Variants in IFT20 observed in about 807,000 individuals in gnomAD.
The protein encoded by IFT20 is intraflagellar transport protein 20 homolog.
Under a neutral mutation model 16.9 loss-of-function variants are expected in IFT20, and 4 were observed. That is an observed-to-expected ratio of 0.24 (90% CI 0.12 to 0.54). The LOEUF (loss-of-function observed/expected upper bound fraction) is 0.54, where lower values mean the gene tolerates loss of function less well. Among genes scored for constraint, IFT20 ranks in the 20% least tolerant of loss-of-function variants. IFT20 has a pLI of 0.95. For missense variants in IFT20, 154 were observed against 149.7 expected, an observed-to-expected ratio of 1.03 and a Z score of -0.15; for synonymous variants, 48 against 49.9, an observed-to-expected ratio of 0.96 and a Z score of 0.16.
At chr17:28,329,593 T>C (rs1160354419) in intron 3 of IFT20, 1 of 249,216 alleles carries the variant, frequency 4.0e-6, no homozygotes, top group Admixed American at 5.3e-5. Context: ...TCTTCATTTA[T>C]AAAATGAGGA....
intron 2 of IFT20, 58 bp from the exon 3 acceptor site, chr17:28,330,586 T>C (rs1906709859): frequency 1.7e-6 from 2 of 1,175,460 alleles, no homozygotes; most frequent in Non-Finnish European, 2.5e-6. Flanking sequence ...TCCCCTTCGG[T>C]AGAGTGCTAA....
chr17:28,331,892 C>A lies in IFT20; in HGVS notation c.94G>T (p.Glu32Ter). The A allele has an allele frequency of 6.2e-7, 1 of 1,614,172 alleles. No homozygotes were observed. The highest frequency in any genetic ancestry group is 8.5e-7 in the Non-Finnish European group (1 of 1,180,004). ...LDPEVTQQTIELKEECKDFVD... is the reference protein window; with the variant it reads ...LDPEVTQQTI ...AAGTCTTTGCACTCTTCCTTCAGCTCTATGGTCTGCTGGGTAACCTCTGGG... is the reference window on the plus strand; with the variant it reads ...AAGTCTTTGCACTCTTCCTTCAGCTATATGGTCTGCTGGGTAACCTCTGGG... The change falls in exon 2 of 5, where the codon GAG (glutamate) becomes TAG (stop). Residue 32 changes from glutamate to a stop codon, truncating the protein, a stop_gained. Transcript: ENST00000395418. LOFTEE classifies it high-confidence loss of function.
chr17:28,331,773 C>T lies in IFT20; in HGVS notation c.127+86G>A. ...TTCAACCTCCAGGGAGCCAGCAGCTCCACTGTGGCAGGGCCAAGATGAGCC... is the reference window on the plus strand; with the variant it reads ...TTCAACCTCCAGGGAGCCAGCAGCTTCACTGTGGCAGGGCCAAGATGAGCC... On this transcript the variant is annotated intron_variant, in intron 2 of 4. Transcript: ENST00000395418. The T allele has an allele frequency of 2.6e-6, 4 of 1,555,976 alleles. No individual in the cohort carries two copies. In the Admixed American group the frequency reaches 6.8e-5, roughly 26 times the overall value.
At chr17:28,334,208 A>G (rs1288598867) in intron 1 of IFT20, among the ~76,000 whole-genome samples, 1 of 152,244 alleles carries the variant, frequency 6.6e-6, no homozygotes, top group African/African-American at 2.4e-5. Context: ...CTGCAGGAGG[A>G]CACAGTTCAT....
chr17:28,329,552 T>A (rs1209009314), intron 3 of IFT20: 2 of 377,594 alleles, frequency 5.3e-6, no homozygotes, highest in African/African-American at 4.2e-5. Context: ...GCCTTGTGCC[T>A]TTCACCAATC....
At position 28,328,569 on chromosome 17, in the gene IFT20, C is replaced by CTT. The variant is rs1906483345; in HGVS notation, c.*82_*83insAA. On this transcript the variant is annotated 3_prime_UTR_variant, in exon 5 of 5. Coordinates refer to ENST00000395418, the MANE Select transcript of IFT20 (RefSeq NM_001267776.2). Reference sequence around the variant, plus strand: ...TTGTGACATAGGTCATTGGTCAAGCCGCTGGAATGCTACAGAGGTTTTTTT... The same window carrying CTT: ...TTGTGACATAGGTCATTGGTCAAGCCTTGCTGGAATGCTACAGAGGTTTTTTT... 4 of 833,340 alleles carry CTT rather than the reference C, an allele frequency of 4.8e-6. No individual in the cohort carries two copies. The highest frequency in any genetic ancestry group is 7.8e-6 in the Non-Finnish European group (4 of 511,256). 51.6% of individuals were successfully genotyped at this position (833,340 alleles called of 1,614,324 possible). A position where few individuals can be genotyped will look rare whatever the true frequency, so the allele number is the denominator to read the frequency against.
chr17:28,331,738 A>G, intron 2 of IFT20, 121 bp downstream of exon 2: 2 of 1,294,368 alleles, frequency 1.5e-6, no homozygotes, highest in Non-Finnish European at 2.2e-6. Context: ...GGGAACTCAC[A>G]GACGCCAGAT....
At chr17:28,328,970 G>C (rs1597783699) in intron 4 of IFT20, 9 of 615,550 alleles carry the variant, frequency 1.5e-5, no homozygotes, top group East Asian at 1.1e-4. Context: ...CAAACTACTA[G>C]AGGTGGTTTG....
In IFT20 at chr17:28,328,535, C is replaced by T. The variant is rs116558075; in HGVS notation, c.*117G>A. The T allele has an allele frequency of 6.7e-4, 471 of 704,152 alleles. 4 individuals carry two copies. In the African/African-American group the frequency reaches 7.4e-3, roughly 11 times the overall value. The allele number at this position is 704,152 out of a possible 1,614,324, so 43.6% of individuals were successfully genotyped here. Reference sequence around the variant, plus strand: ...TCTTCAGGGGGCTGCATTCCTTACACGCCACCTCTTGTGACATAGGTCATT... The same window carrying T: ...TCTTCAGGGGGCTGCATTCCTTACATGCCACCTCTTGTGACATAGGTCATT... On this transcript the variant is annotated 3_prime_UTR_variant, in exon 5 of 5. Transcript: ENST00000395418.
intron 4 of IFT20, 101 bp downstream of exon 4, chr17:28,329,072 G>A (rs782380390): frequency 1.1e-5 from 9 of 796,968 alleles, no homozygotes; most frequent in African/African-American, 3.5e-5. Context: ...GCTATTCCTG[G>A]GAAAACAATG....
chr17:28,332,095 G>A, intron 1 of IFT20, 108 bp from the exon 2 acceptor site: 1 of 1,604,850 alleles, frequency 6.2e-7, no homozygotes, highest in Non-Finnish European at 8.5e-7. Flanking sequence ...CAAAAACCCA[G>A]GTGTTCCAAA....
chr17:28,329,942 C>T (rs1567779992), intron 3 of IFT20: 1 of 377,690 alleles, frequency 2.6e-6, no homozygotes, highest in Non-Finnish European at 4.7e-6. Context: ...TGCCTGTAAT[C>T]CCAGCTACTC....
chr17:28,329,576 C>CCTG, intron 3 of IFT20: 1 of 279,054 alleles, frequency 3.6e-6, no homozygotes, highest in Admixed American at 5.0e-5. Flanking sequence ...CTATGTAAGC[C>CCTG]TTCATTTCTT....
At chr17:28,331,587 G>A in intron 2 of IFT20, 1 of 423,446 alleles carries the variant, frequency 2.4e-6, no homozygotes, top group Non-Finnish European at 4.3e-6. Flanking sequence ...TTCCCAGAAA[G>A]TTTAAGGTTT....
Position 28,329,249 on chromosome 17 carries a change from A to G in IFT20, c.241T>C (p.Ser81Pro). ...KAIGARNLLK[S>P]IAKQREAQQQ... is the part of the protein sequence containing the mutation. ...TGAGCTTCTCTCTGCTTTGCTATAG[A>G]TTTGAGCAAGTTCCGAGCACCGATG... Residue 81 changes from serine to proline, a missense_variant, in exon 4 of 5, where the codon TCT becomes CCT. Ser to Pro is a moderately conservative substitution (Grantham distance 74). Coordinates refer to ENST00000395418, the MANE Select transcript of IFT20 (RefSeq NM_001267776.2). The G allele has an allele frequency of 1.9e-6, 3 of 1,614,006 alleles. No homozygotes were observed. Among genetic ancestry groups the G allele is most frequent in the African/African-American group, 2.7e-5 (2 of 75,008 alleles).
At chr17:28,329,108 C>A in intron 4 of IFT20, 65 bp downstream of exon 4, 1 of 1,065,342 alleles carries the variant, frequency 9.4e-7, no homozygotes, top group South Asian at 1.3e-5. Context: ...AAGAAGTGAT[C>A]ATTCCAGAAG....
At position 28,331,940 on chromosome 17, in the gene IFT20, G is replaced by A; in HGVS notation, c.46C>T (p.Leu16=). ...LGEAGLHFDE[L]NKLRVLDPEV... ...GGGTCCAACACCCTCAGCTTGTTCA[G>A]TTCATCAAAGTGTAGCCCTGCTTCA... Residue 16 remains leucine (L), a synonymous_variant, in exon 2 of 5, where the codon CTG becomes TTG. Coordinates refer to ENST00000395418, the MANE Select transcript of IFT20 (RefSeq NM_001267776.2). 6 of 1,614,220 alleles carry A rather than the reference G, an allele frequency of 3.7e-6. No individual in the cohort carries two copies. Among genetic ancestry groups the A allele is most frequent in the African/African-American group, 1.3e-5 (1 of 75,054 alleles).
chr17:28,334,458 C>T lies in IFT20; in HGVS notation c.-3+882G>A, dbSNP rs372125745. On this transcript the variant is annotated intron_variant, in intron 1 of 4. Transcript: ENST00000395418. ...GACAGGGAGACAACAGCTGGATCACCGAAGGCTCTGAAAGACGCAGTCATG... is the reference window on the plus strand; with the variant it reads ...GACAGGGAGACAACAGCTGGATCACTGAAGGCTCTGAAAGACGCAGTCATG... Among the ~76,000 whole-genome samples the T allele has an allele frequency of 4.2e-4, 64 of 152,334 alleles. 1 individual carries two copies. The highest frequency in any genetic ancestry group is 1.4e-3 in the African/African-American group (58 of 41,574).
chr17:28,330,804 G>A (rs936198833), intron 2 of IFT20, among the ~76,000 whole-genome samples: 5 of 152,166 alleles, frequency 3.3e-5, no homozygotes, highest in South Asian at 2.1e-4. Context: ...AGACCCTGTC[G>A]CTTAAACACT....
Sources: gnomAD v4.1 joint callset for allele counts (sites outside exome capture counted in the v4.1 genomes callset) on GRCh38, gnomAD v4.1.1 for gene constraint, MANE v1.5 for transcripts, NCBI Gene and HGNC (gene_info 2026-07-23, HGNC 2026-07-21) for gene names.